The following MTMR7 variants were observed in gnomAD, a reference collection of about 807,000 sequenced individuals.
MTMR7 encodes the protein myotubularin related protein 7, also known as phosphatidylinositol-3-phosphate phosphatase MTMR7.
A neutral mutation model predicts 81.2 loss-of-function variants in MTMR7; 76 were observed. That is an observed-to-expected ratio of 0.94 (90% CI 0.78 to 1.13). MTMR7 has a LOEUF of 1.13. MTMR7 is among the 50% of genes most tolerant of loss of function. The pLI is 0.00. For synonymous variants in MTMR7, 372 were observed against 289.8 expected, an observed-to-expected ratio of 1.28 and a Z score of -2.88; for missense variants, 1,044 against 820.0, an observed-to-expected ratio of 1.27 and a Z score of -3.34.
At chr8:17,319,643 A>C (rs892153050) in intron 7 of MTMR7, among the ~76,000 whole-genome samples, 1 of 152,140 alleles carries the variant, frequency 6.6e-6, no homozygotes, top group Non-Finnish European at 1.5e-5. Context: ...CAATCCTCAA[A>C]CAATCATTCT....
At chr8:17,309,367 C>A (rs190840976) in intron 9 of MTMR7, 41 bp from the exon 10 acceptor site, 47 of 1,358,534 alleles carry the variant, frequency 3.5e-5, no homozygotes, top group Non-Finnish European at 4.3e-5. Context: ...GAGAAGCAAA[C>A]GAAAAATAAG....
chr8:17,400,986 G>A (rs1821410622), intron 1 of MTMR7, among the ~76,000 whole-genome samples: 3 of 152,104 alleles, frequency 2.0e-5, no homozygotes, highest in African/African-American at 7.2e-5. Context: ...TGGGTGTACA[G>A]AACACACGGT....
chr8:17,302,815 C>T (rs964738793), intron 12 of MTMR7, among the ~76,000 whole-genome samples: 32 of 149,396 alleles, frequency 2.1e-4, no homozygotes, highest in Non-Finnish European at 1.5e-4. Context: ...CGGGTTCAAG[C>T]GATTCTCCTG....
At chr8:17,344,634 G>C (rs1166558719) in intron 5 of MTMR7, among the ~76,000 whole-genome samples, 1 of 152,064 alleles carries the variant, frequency 6.6e-6, no homozygotes, top group Admixed American at 6.6e-5. Flanking sequence ...GCAGCAGAAA[G>C]ACCTGGCTTC....
chr8:17,366,113 G>A (rs753721244), intron 3 of MTMR7, among the ~76,000 whole-genome samples: 1 of 152,138 alleles, frequency 6.6e-6, no homozygotes, highest in African/African-American at 2.4e-5. Flanking sequence ...CAAGACATCA[G>A]GTACAAACTC....
chr8:17,355,573 T>TA lies in MTMR7; in HGVS notation c.468+5543dup, dbSNP rs796144712. On this transcript the variant is annotated intron_variant, in intron 4 of 13. Coordinates refer to ENST00000180173, the MANE Select transcript of MTMR7 (RefSeq NM_004686.5). ...AGCAAACAGACCAGGATTAAAAAAT[T>TA]AAAAAAAAAAACAGTATGCTAAAAG... Among the ~76,000 whole-genome samples the TA allele has an allele frequency of 9.3e-3, 1,333 of 143,608 alleles. 28 individuals carry two copies. Among genetic ancestry groups the TA allele is most frequent in the African/African-American group, 0.03 (1,190 of 39,352 alleles). The allele number at this position is 143,608 out of a possible 152,430, so 94.2% of individuals were successfully genotyped here.
chr8:17,302,461 G>T, intron 12 of MTMR7, 181 bp from the exon 13 acceptor site: 1 of 570,788 alleles, frequency 1.8e-6, no homozygotes, highest in Non-Finnish European at 2.9e-6. Context: ...TCTTGGGTCA[G>T]TAAATGCCTT....
chr8:17,302,707 C>CCA lies in MTMR7; in HGVS notation c.1494-428_1494-427insTG, dbSNP rs1554504074. 5.5e-5 allele frequency among the ~76,000 whole-genome samples: 3 copies of CCA among 54,640 alleles called. 1 individual carries two copies. The highest frequency in any genetic ancestry group is 1.8e-4 in the Non-Finnish European group (3 of 16,382). The allele number at this position is 54,640 out of a possible 152,430, so 35.8% of individuals were successfully genotyped here. On this transcript the variant is annotated intron_variant, in intron 12 of 13. Transcript: ENST00000180173. ...TTGACATTTGCATTGGCAATAACCC[C>CCA]CCCCCCCCCGCTTTTTTTTTTAATG... is the stretch of plus-strand genomic sequence containing the variant.
chr8:17,344,597 C>A (rs1044387265), intron 5 of MTMR7, among the ~76,000 whole-genome samples: 11 of 152,046 alleles, frequency 7.2e-5, no homozygotes, highest in Non-Finnish European at 1.3e-4. Context: ...GGTGACAGAG[C>A]GAGACTCCAT....
chr8:17,375,811 T>C (rs1422171235), intron 1 of MTMR7, among the ~76,000 whole-genome samples: 1 of 152,208 alleles, frequency 6.6e-6, no homozygotes, highest in Non-Finnish European at 1.5e-5. Context: ...CCTTGTATAA[T>C]AGCATTAATT....
rs181934473 is a variant in MTMR7, at chr8:17,369,054, A to G, written c.310+1983T>C. Among the ~76,000 whole-genome samples the G allele has an allele frequency of 1.1e-3, 175 of 152,332 alleles. 6 individuals carry two copies. The East Asian group carries it at 0.032, about 28-fold the overall frequency. The stretch of plus-strand genomic sequence containing the variant: ...GTGATTCACTCATCACCAGCTGCTC[A>G]GCCCTTTCCCAGTTCGCTGGGCTAT... On this transcript the variant is annotated intron_variant, in intron 3 of 13. Transcript: ENST00000180173.
At chr8:17,374,576 G>C (rs1303089157) in intron 1 of MTMR7, among the ~76,000 whole-genome samples, 1 of 152,054 alleles carries the variant, frequency 6.6e-6, no homozygotes, top group African/African-American at 2.4e-5. Context: ...CGCTGAGATT[G>C]CGCCACCGTA....
At chr8:17,308,198 T>G (rs1055375372) in intron 10 of MTMR7, among the ~76,000 whole-genome samples, 2 of 152,144 alleles carry the variant, frequency 1.3e-5, no homozygotes, top group African/African-American at 4.8e-5. Flanking sequence ...TTGCCTAATA[T>G]TAACGTATTT....
intron 6 of MTMR7, among the ~76,000 whole-genome samples, chr8:17,337,594 A>C (rs1039348077): frequency 2.6e-5 from 4 of 152,064 alleles, no homozygotes; most frequent in African/African-American, 9.7e-5. Flanking sequence ...ATGCTTGAAG[A>C]CTTCATTGAC....
At chr8:17,411,531 C>T (rs531799789) in intron 1 of MTMR7, among the ~76,000 whole-genome samples, 15 of 152,320 alleles carry the variant, frequency 9.8e-5, no homozygotes, top group African/African-American at 3.4e-4. Context: ...ATAAATGAAT[C>T]CGATCCATCC....
At chr8:17,374,577 C>T (rs574059515) in intron 1 of MTMR7, among the ~76,000 whole-genome samples, 88 of 151,978 alleles carry the variant, frequency 5.8e-4, no homozygotes, top group Admixed American at 9.8e-4. Flanking sequence ...GCTGAGATTG[C>T]GCCACCGTAC....
chr8:17,411,693 C>T (rs1821738594), intron 1 of MTMR7, among the ~76,000 whole-genome samples: 1 of 152,154 alleles, frequency 6.6e-6, no homozygotes, highest in East Asian at 1.9e-4. Flanking sequence ...TACTGCACTG[C>T]TTAGAGGGTA....
chr8:17,298,396 T>G lies in MTMR7; in HGVS notation c.*1466A>C, dbSNP rs1240352410. 1 of 152,114 alleles carries G rather than the reference T, an allele frequency of 6.6e-6. No individual in the cohort carries two copies. Among genetic ancestry groups the G allele is most frequent in the African/African-American group, 2.4e-5 (1 of 41,452 alleles). 9.4% of individuals were successfully genotyped at this position (152,114 alleles called of 1,614,324 possible). ...TTTTAAATCACAGTTCTCTAATATA[T>G]TCTATATTTTTAAATATGATGAACA... is the stretch of plus-strand genomic sequence containing the variant. On this transcript the variant is annotated 3_prime_UTR_variant, in exon 14 of 14. Transcript: ENST00000180173.
intron 3 of MTMR7, among the ~76,000 whole-genome samples, chr8:17,369,942 G>A (rs1585098363): frequency 6.6e-6 from 1 of 151,944 alleles, no homozygotes; most frequent in African/African-American, 2.4e-5. Flanking sequence ...ACCGCGTCAG[G>A]CCGAGTATAT....
Sources: gnomAD v4.1 joint callset for allele counts (sites outside exome capture counted in the v4.1 genomes callset) on GRCh38, gnomAD v4.1.1 for gene constraint, MANE v1.5 for transcripts, NCBI Gene and HGNC (gene_info 2026-07-23, HGNC 2026-07-21) for gene names.